The following TCF4 variants were observed in gnomAD, a reference collection of about 807,000 sequenced individuals.
The protein encoded by TCF4 is SL3-3 enhancer factor 2.
TCF4 carries 3 observed loss-of-function variants against 82.1 expected under a neutral mutation model. The ratio of observed to expected loss-of-function variants is 0.04; its 90% CI spans 0.02 to 0.09. The LOEUF is 0.09. Among genes scored for constraint, TCF4 ranks in the 10% least tolerant of loss-of-function variants. The probability of loss-of-function intolerance (pLI) is 1.00; values close to 1 mark genes in which losing one functional copy is unlikely to be tolerated. For synonymous variants in TCF4, 276 were observed against 309.6 expected, an observed-to-expected ratio of 0.89 and a Z score of 1.14; for missense variants, 518 against 852.7, an observed-to-expected ratio of 0.61 and a Z score of 4.89.
chr18:55,329,591 T>A (rs560357742), intron 8 of TCF4, among the ~76,000 whole-genome samples: 2 of 152,354 alleles, frequency 1.3e-5, no homozygotes, highest in Admixed American at 1.3e-4. Flanking sequence ...AAAATTGATA[T>A]TGATAAATTT....
chr18:55,400,187 A>G (rs1298432671), intron 6 of TCF4, among the ~76,000 whole-genome samples: 1 of 152,180 alleles, frequency 6.6e-6, no homozygotes, highest in Non-Finnish European at 1.5e-5. Context: ...AATGATGCCC[A>G]TTAAGTTTTA....
At chr18:55,435,765 T>C (rs986660810) in intron 5 of TCF4, among the ~76,000 whole-genome samples, 1 of 152,226 alleles carries the variant, frequency 6.6e-6, no homozygotes, top group Non-Finnish European at 1.5e-5. Context: ...GCTGTTTTCC[T>C]GATCACTCAG....
chr18:55,229,987 A>T (rs2047425015), intron 17 of TCF4: 1 of 151,536 alleles, frequency 6.6e-6, no homozygotes, highest in Admixed American at 6.6e-5. Context: ...TACAAAAAAT[A>T]AAAAAAAATT....
intron 11 of TCF4, chr18:55,268,155 A>T (rs1041503994): frequency 6.6e-6 from 1 of 152,094 alleles, no homozygotes; most frequent in African/African-American, 2.4e-5. Context: ...GTTTTTTTTC[A>T]AACAGAGCCT....
At chr18:55,481,036 G>A (rs372181405) in intron 3 of TCF4, among the ~76,000 whole-genome samples, 10 of 150,774 alleles carry the variant, frequency 6.6e-5, no homozygotes, top group East Asian at 2.0e-4. Flanking sequence ...CATGGAAGGC[G>A]GAGGCTGCAG....
Position 55,464,092 on chromosome 18 carries a change from T to TGTCCTCCATTCCCCCAGGAC in TCF4, c.171_190dup (p.His64ArgfsTer24). On this transcript the variant is annotated frameshift_variant, in exon 4 of 20. Transcript: ENST00000354452. LOFTEE classifies it high-confidence loss of function. ...TATACTTACCCTGGACGGGCTTGGA[T>TGTCCTCCATTCCCCCAGGAC]GTCCTCCATTCCCCCAGGACCCTGA... 1 of 1,613,966 alleles carries TGTCCTCCATTCCCCCAGGAC rather than the reference T, an allele frequency of 6.2e-7. No individual in the cohort carries two copies. Among genetic ancestry groups the TGTCCTCCATTCCCCCAGGAC allele is most frequent in the Non-Finnish European group, 8.5e-7 (1 of 1,179,892 alleles).
intron 3 of TCF4, among the ~76,000 whole-genome samples, chr18:55,581,467 C>T (rs1211979703): frequency 6.6e-6 from 1 of 151,994 alleles, no homozygotes. Context: ...TTACTCTGCC[C>T]TTTACAAAAA....
chr18:55,416,123 T>C (rs566365533), intron 5 of TCF4, among the ~76,000 whole-genome samples: 1 of 152,216 alleles, frequency 6.6e-6, no homozygotes, highest in Non-Finnish European at 1.5e-5. Flanking sequence ...CTCACAGCTA[T>C]GTATGTACAC....
chr18:55,368,509 A>G (rs1319406247), intron 6 of TCF4, among the ~76,000 whole-genome samples: 1 of 151,962 alleles, frequency 6.6e-6, no homozygotes, highest in Non-Finnish European at 1.5e-5. Context: ...TGGTCTTCTT[A>G]AAAAAAACAA....
At chr18:55,395,450 T>C (rs983262926) in intron 6 of TCF4, among the ~76,000 whole-genome samples, 10 of 152,186 alleles carry the variant, frequency 6.6e-5, no homozygotes. Flanking sequence ...ATACTAGGAG[T>C]CCATTTCTTC....
rs559570938 is a variant in TCF4, at chr18:55,570,993, A to T, written c.145+14287T>A. ...TATGCTACAGGTGGGAGTGCAGATCAGTAAGAATCTTTAAAAAACAACTGG... is the reference window on the plus strand; with the variant it reads ...TATGCTACAGGTGGGAGTGCAGATCTGTAAGAATCTTTAAAAAACAACTGG... On this transcript the variant is annotated intron_variant, in intron 3 of 19. Coordinates refer to ENST00000354452, the MANE Select transcript of TCF4 (RefSeq NM_001083962.2). Among the ~76,000 whole-genome samples the T allele has an allele frequency of 1.6e-4, 25 of 152,256 alleles. 1 individual carries two copies. The South Asian group carries it at 4.4e-3, about 27-fold the overall frequency.
chr18:55,473,634 T>C (rs2096232719), intron 3 of TCF4, among the ~76,000 whole-genome samples: 1 of 152,192 alleles, frequency 6.6e-6, no homozygotes, highest in South Asian at 2.1e-4. Flanking sequence ...TTGCATGTTA[T>C]CTTCAGGGGT....
chr18:55,462,015 C>T (rs2095875737), intron 4 of TCF4, among the ~76,000 whole-genome samples: 1 of 152,020 alleles, frequency 6.6e-6, no homozygotes, highest in Non-Finnish European at 1.5e-5. Flanking sequence ...GTGGAACTGC[C>T]CATGAAAGTC....
At chr18:55,272,017 T>C (rs769726536) in intron 10 of TCF4, among the ~76,000 whole-genome samples, 7 of 152,074 alleles carry the variant, frequency 4.6e-5, no homozygotes, top group Non-Finnish European at 8.8e-5. Context: ...TATAAATATT[T>C]AACTAACTAT....
chr18:55,319,291 A>G (rs2074925581), intron 8 of TCF4, among the ~76,000 whole-genome samples: 1 of 152,230 alleles, frequency 6.6e-6, no homozygotes, highest in South Asian at 2.1e-4. Flanking sequence ...CACCAAATCA[A>G]AAGCCACTCA....
chr18:55,494,482 C>T (rs1247217315), intron 3 of TCF4, among the ~76,000 whole-genome samples: 4 of 151,968 alleles, frequency 2.6e-5, no homozygotes, highest in Non-Finnish European at 5.9e-5. Flanking sequence ...TTAAAACTAG[C>T]CCTGATGCAT....
At position 55,240,429 on chromosome 18, in the gene TCF4, T is replaced by C. The variant is rs1261072; in HGVS notation, c.1351-5746A>G. On this transcript the variant is annotated intron_variant, in intron 15 of 19. Transcript: ENST00000354452. Reference sequence around the variant, plus strand: ...ATTATACATGACAGTTGTAGAGTACTAGATTTCAGTTTCAATTATCTTGCC... The same window carrying C: ...ATTATACATGACAGTTGTAGAGTACCAGATTTCAGTTTCAATTATCTTGCC... 1.5e-3 allele frequency among the ~76,000 whole-genome samples: 234 copies of C among 152,372 alleles called. 1 individual carries two copies. Among genetic ancestry groups the C allele is most frequent in the African/African-American group, 5.3e-3 (221 of 41,592 alleles).
At chr18:55,389,731 A>G (rs1343249758) in intron 6 of TCF4, among the ~76,000 whole-genome samples, 5 of 152,172 alleles carry the variant, frequency 3.3e-5, no homozygotes, top group Non-Finnish European at 7.3e-5. Context: ...CCCAAAGCCA[A>G]GGAACAATGT....
intron 3 of TCF4, among the ~76,000 whole-genome samples, chr18:55,508,768 T>C (rs2096792568): frequency 6.6e-6 from 1 of 152,176 alleles, no homozygotes; most frequent in Non-Finnish European, 1.5e-5. Flanking sequence ...GCACCTCCTT[T>C]TATTCCTAGG....
Sources: gnomAD v4.1 joint callset for allele counts (sites outside exome capture counted in the v4.1 genomes callset) on GRCh38, gnomAD v4.1.1 for gene constraint, MANE v1.5 for transcripts, NCBI Gene and HGNC (gene_info 2026-07-23, HGNC 2026-07-21) for gene names.